AGBL4: variants seen among roughly 807,000 people sequenced by gnomAD.
The protein encoded by AGBL4 is cytosolic carboxypeptidase 6.
In AGBL4, 58 loss-of-function variants were observed where a neutral mutation model predicts 66.4. The ratio of observed to expected loss-of-function variants is 0.87; its 90% CI spans 0.71 to 1.09. The LOEUF (loss-of-function observed/expected upper bound fraction) is 1.09, where lower values mean the gene tolerates loss of function less well. Ranked by LOEUF, AGBL4 falls within the 50% of genes least tolerant of loss-of-function variation. AGBL4 has a pLI of 0.00. For synonymous variants in AGBL4, 234 were observed against 222.9 expected (o/e 1.05, Z -0.44); for missense variants, 579 against 631.0 (o/e 0.92, Z 0.88).
intron 4 of AGBL4, among the ~76,000 whole-genome samples, chr1:49,136,180 C>A (rs1646007056): frequency 6.6e-6 from 1 of 152,120 alleles, no homozygotes; most frequent in Admixed American, 6.6e-5. Context: ...ACAACTACAA[C>A]AACAGAAAAT....
chr1:49,746,838 TTGTC>T (rs1319355545), intron 2 of AGBL4, among the ~76,000 whole-genome samples: 1 of 152,120 alleles, frequency 6.6e-6, no homozygotes, highest in Non-Finnish European at 1.5e-5. Context: ...CAACAATTAA[TTGTC>T]TGTAGCTGAG....
chr1:48,796,175 T>C (rs1165100343), intron 6 of AGBL4, among the ~76,000 whole-genome samples: 1 of 152,210 alleles, frequency 6.6e-6, no homozygotes, highest in Non-Finnish European at 1.5e-5. Flanking sequence ...AGGTCTCAAA[T>C]TAAACATTAA....
At chr1:49,289,991 A>C (rs1315271632) in intron 3 of AGBL4, among the ~76,000 whole-genome samples, 6 of 152,226 alleles carry the variant, frequency 3.9e-5, no homozygotes, top group African/African-American at 9.6e-5. Context: ...TGAAGTATCA[A>C]TATTAATTTT....
chr1:49,244,057 C>T (rs1184385768), intron 4 of AGBL4, among the ~76,000 whole-genome samples: 1 of 151,764 alleles, frequency 6.6e-6, no homozygotes, highest in Non-Finnish European at 1.5e-5. Context: ...GAAGACACAA[C>T]ATAGTTCATG....
intron 1 of AGBL4, among the ~76,000 whole-genome samples, chr1:50,002,659 G>A (rs920092219): frequency 1.3e-5 from 2 of 151,994 alleles, no homozygotes; most frequent in African/African-American, 2.4e-5. Flanking sequence ...GTGAGCCACC[G>A]CGCCCGGCCA....
intron 9 of AGBL4, among the ~76,000 whole-genome samples, chr1:48,613,370 G>A (rs1645269494): frequency 6.6e-6 from 1 of 152,100 alleles, no homozygotes. Flanking sequence ...AGAAACTGGG[G>A]TCCAACGAGG....
chr1:49,438,540 C>T (rs1392030969), intron 3 of AGBL4, among the ~76,000 whole-genome samples: 1 of 152,150 alleles, frequency 6.6e-6, no homozygotes, highest in Non-Finnish European at 1.5e-5. Flanking sequence ...TAGAGAACAA[C>T]AGAAAACAAG....
intron 9 of AGBL4, among the ~76,000 whole-genome samples, chr1:48,627,214 A>T (rs981717830): frequency 1.3e-5 from 2 of 152,124 alleles, no homozygotes; most frequent in African/African-American, 4.8e-5. Flanking sequence ...TTCCCCTAAG[A>T]ACAGACCTCG....
intron 3 of AGBL4, among the ~76,000 whole-genome samples, chr1:49,439,355 T>C (rs1242246219): frequency 6.6e-6 from 1 of 152,236 alleles, no homozygotes; most frequent in Non-Finnish European, 1.5e-5. Context: ...GTCTCCTCTA[T>C]GAGTTCTCAG....
At chr1:49,613,230 A>G (rs1645186118) in intron 3 of AGBL4, among the ~76,000 whole-genome samples, 1 of 151,918 alleles carries the variant, frequency 6.6e-6, no homozygotes, top group South Asian at 2.1e-4. Context: ...AGACTACTAG[A>G]TGGGGGAGGA....
chr1:49,259,962 A>G (rs1294933518), intron 3 of AGBL4, among the ~76,000 whole-genome samples: 1 of 152,060 alleles, frequency 6.6e-6, no homozygotes, highest in Admixed American at 6.5e-5. Flanking sequence ...ACTGTCTCTC[A>G]GACCACAGTG....
chr1:50,016,515 T>C (rs915286738), intron 1 of AGBL4, among the ~76,000 whole-genome samples: 6 of 152,124 alleles, frequency 3.9e-5, no homozygotes, highest in South Asian at 4.1e-4. Context: ...TGAGCAAAGA[T>C]TGTGCCACTG....
intron 1 of AGBL4, among the ~76,000 whole-genome samples, chr1:49,921,208 G>A (rs1165993044): frequency 6.6e-6 from 1 of 151,664 alleles, no homozygotes; most frequent in Non-Finnish European, 1.5e-5. Flanking sequence ...CCTGCACGTT[G>A]TGCACATGTA....
chr1:49,748,924 T>C (rs1651220960), intron 2 of AGBL4, among the ~76,000 whole-genome samples: 1 of 152,182 alleles, frequency 6.6e-6, no homozygotes, highest in African/African-American at 2.4e-5. Context: ...GTCAGATGGA[T>C]AGATTGCAAA....
At chr1:49,707,047 A>T (rs1385578192) in intron 2 of AGBL4, among the ~76,000 whole-genome samples, 1 of 152,126 alleles carries the variant, frequency 6.6e-6, no homozygotes, top group Admixed American at 6.6e-5. Flanking sequence ...AGTTCTGTAC[A>T]TGTCTATTAG....
At chr1:49,269,344 A>G (rs929213192) in intron 3 of AGBL4, 1 of 152,324 alleles carries the variant, frequency 6.6e-6, no homozygotes, top group South Asian at 2.1e-4. Flanking sequence ...AAAATATTTT[A>G]TCCAAAAATA....
At chr1:49,433,690 A>T (rs1645837818) in intron 3 of AGBL4, among the ~76,000 whole-genome samples, 1 of 152,172 alleles carries the variant, frequency 6.6e-6, no homozygotes, top group African/African-American at 2.4e-5. Flanking sequence ...CCGGATTTGA[A>T]TCTTGATTCT....
At chr1:49,834,860 G>A (rs754202376) in intron 2 of AGBL4, among the ~76,000 whole-genome samples, 10 of 152,108 alleles carry the variant, frequency 6.6e-5, no homozygotes, top group Non-Finnish European at 7.4e-5. Context: ...AGGTTGTTCA[G>A]TTTCCATATA....
At chr1:48,931,867 C>T (rs149723528) in intron 5 of AGBL4, among the ~76,000 whole-genome samples, 1 of 152,098 alleles carries the variant, frequency 6.6e-6, no homozygotes, top group East Asian at 1.9e-4. Flanking sequence ...TTTATTTGTT[C>T]ATTTGTTGGC....
Sources: allele counts gnomAD v4.1 joint callset (sites outside exome capture counted in the v4.1 genomes callset), GRCh38; gene constraint gnomAD v4.1.1; transcripts MANE v1.5; gene names NCBI Gene and HGNC (gene_info 2026-07-23, HGNC 2026-07-21).